ADARB1: variants seen among roughly 807,000 people sequenced by gnomAD.
ADARB1 encodes adenosine deaminase RNA specific B1.
In ADARB1, 10 loss-of-function variants were observed where a neutral mutation model predicts 52.4. That is an observed-to-expected ratio of 0.19 (90% CI 0.12 to 0.32). ADARB1 has a LOEUF of 0.32. Among genes scored for constraint, ADARB1 ranks in the 10% least tolerant of loss-of-function variants. The probability of loss-of-function intolerance (pLI) is 1.00; values close to 1 mark genes in which losing one functional copy is unlikely to be tolerated. For synonymous variants in ADARB1, 349 were observed against 371.1 expected (o/e 0.94, Z 0.68); for missense variants, 643 against 922.3 (o/e 0.70, Z 3.92).
chr21:45,134,876 C>T (rs757554274), intron 2 of ADARB1: 5 of 527,292 alleles, frequency 9.5e-6, no homozygotes, highest in Middle Eastern at 6.4e-4. Context: ...CCCAGCACCA[C>T]ACCCCTGGCT....
At chr21:45,174,790 A>G (rs2091628934) in intron 3 of ADARB1, among the ~76,000 whole-genome samples, 1 of 152,216 alleles carries the variant, frequency 6.6e-6, no homozygotes, top group South Asian at 2.1e-4. Context: ...TAATTTTACA[A>G]TTCTAAAATT....
At chr21:45,108,043 G>A (rs888516885) in intron 1 of ADARB1, among the ~76,000 whole-genome samples, 2 of 151,962 alleles carry the variant, frequency 1.3e-5, no homozygotes, top group Non-Finnish European at 2.9e-5. Context: ...GTGACAGAGC[G>A]AGACCCTGTC....
intron 1 of ADARB1, among the ~76,000 whole-genome samples, chr21:45,097,285 G>A (rs2086803961): frequency 4.6e-5 from 7 of 152,134 alleles, no homozygotes; most frequent in Non-Finnish European, 2.9e-5. Context: ...TATGAGCTTT[G>A]GGGAAGCCTG....
intron 1 of ADARB1, among the ~76,000 whole-genome samples, chr21:45,108,987 C>T (rs1274622751): frequency 6.6e-6 from 1 of 152,206 alleles, no homozygotes; most frequent in Non-Finnish European, 1.5e-5. Flanking sequence ...TGCTAGGACT[C>T]TACTTTTGGG....
chr21:45,091,810 C>A (rs1433035678), intron 1 of ADARB1, among the ~76,000 whole-genome samples: 2 of 152,152 alleles, frequency 1.3e-5, no homozygotes, highest in African/African-American at 2.4e-5. Flanking sequence ...GACTCCAGAT[C>A]GAGTTTAACC....
Position 45,142,259 on chromosome 21 carries a change from C to G in ADARB1, c.-48+13686C>G, listed in dbSNP as rs886664077. Among the ~76,000 whole-genome samples, 62 of 152,208 alleles carry G rather than the reference C, an allele frequency of 4.1e-4. No individual in the cohort carries two copies. The highest frequency in any genetic ancestry group is 1.4e-3 in the African/African-American group (58 of 41,446). ...CTTTTTGTTTTTCAAATCGAACACCCGCTATACTCATTTGAGAAGTGTAGA... is the reference window on the plus strand; with the variant it reads ...CTTTTTGTTTTTCAAATCGAACACCGGCTATACTCATTTGAGAAGTGTAGA... On this transcript the variant is annotated intron_variant, in intron 2 of 10. Transcript: ENST00000348831. The surrounding 1 kb of genome is among the most constrained non-coding windows in gnomAD (Gnocchi z 4.0).
intron 1 of ADARB1, among the ~76,000 whole-genome samples, chr21:45,123,930 T>A (rs1307351822): frequency 6.6e-6 from 1 of 152,210 alleles, no homozygotes; most frequent in Non-Finnish European, 1.5e-5. Flanking sequence ...AATACTGTCC[T>A]TTTCTTTTTA....
intron 1 of ADARB1, among the ~76,000 whole-genome samples, chr21:45,107,670 T>C (rs2087318832): frequency 1.3e-5 from 2 of 152,184 alleles, no homozygotes; most frequent in Admixed American, 1.3e-4. Context: ...ATTTATAGCT[T>C]ACACCACATG....
chr21:45,113,414 C>T (rs1353257071), intron 1 of ADARB1, among the ~76,000 whole-genome samples: 1 of 151,874 alleles, frequency 6.6e-6, no homozygotes. Flanking sequence ...CAGAGCAAGA[C>T]TCTGTCTCAA....
At chr21:45,123,738 C>T (rs1001602033) in intron 1 of ADARB1, among the ~76,000 whole-genome samples, 7 of 152,098 alleles carry the variant, frequency 4.6e-5, no homozygotes, top group African/African-American at 1.2e-4. Flanking sequence ...GCAGCTGACA[C>T]CACAGGTGCA....
chr21:45,138,526 G>A (rs1395764494), intron 2 of ADARB1, among the ~76,000 whole-genome samples: 1 of 152,194 alleles, frequency 6.6e-6, no homozygotes. Context: ...AGCAGGCCGT[G>A]GAGCTCTTGT....
chr21:45,130,100 C>T (rs1353597937), intron 2 of ADARB1, among the ~76,000 whole-genome samples: 1 of 152,028 alleles, frequency 6.6e-6, no homozygotes, highest in Non-Finnish European at 1.5e-5. Context: ...TTCTCTGTAA[C>T]CAGAGGTTAT....
rs375464520 is a variant in ADARB1 at position 45,134,421 on chromosome 21, G to A, written c.-48+5848G>A. Reference sequence around the variant, plus strand: ...GTGTGTGCCCGACAGTGGTGTGTGCGCCCGACGGGTGTGTGCGCCTGACAG... The same window carrying A: ...GTGTGTGCCCGACAGTGGTGTGTGCACCCGACGGGTGTGTGCGCCTGACAG... On this transcript the variant is annotated intron_variant, in intron 2 of 10. Transcript: ENST00000348831. Among the ~76,000 whole-genome samples the A allele has an allele frequency of 3.2e-4, 48 of 150,912 alleles. No individual in the cohort carries two copies. In the East Asian group the frequency reaches 8.9e-3, roughly 28 times the overall value.
intron 9 of ADARB1, among the ~76,000 whole-genome samples, chr21:45,210,831 A>G (rs1376448150): frequency 6.6e-6 from 1 of 152,232 alleles, no homozygotes; most frequent in African/African-American, 2.4e-5. Context: ...GAAAAGGAGG[A>G]GCTGGCAGGA....
At chr21:45,085,565 C>G (rs1396966414) in intron 1 of ADARB1, among the ~76,000 whole-genome samples, 1 of 152,144 alleles carries the variant, frequency 6.6e-6, no homozygotes, top group African/African-American at 2.4e-5. Context: ...TAGTCTTGGT[C>G]ATTTTGAATT....
intron 1 of ADARB1, among the ~76,000 whole-genome samples, chr21:45,084,481 G>A (rs928107266): frequency 6.6e-6 from 1 of 152,220 alleles, no homozygotes; most frequent in Non-Finnish European, 1.5e-5. Flanking sequence ...TGGATTCAGA[G>A]TCCAAGAGAA....
intron 8 of ADARB1, among the ~76,000 whole-genome samples, chr21:45,185,504 A>G (rs2092074098): frequency 6.6e-6 from 1 of 152,192 alleles, no homozygotes; most frequent in African/African-American, 2.4e-5. Flanking sequence ...GTGCATTTTA[A>G]AAGTAATGCA....
intron 1 of ADARB1, among the ~76,000 whole-genome samples, chr21:45,081,358 G>C (rs964904922): frequency 6.6e-6 from 1 of 152,142 alleles, no homozygotes; most frequent in South Asian, 2.1e-4. Flanking sequence ...CTTGACTGTG[G>C]TACCCATACA....
chr21:45,091,245 G>T (rs770965619), intron 1 of ADARB1, among the ~76,000 whole-genome samples: 1 of 152,078 alleles, frequency 6.6e-6, no homozygotes, highest in African/African-American at 2.4e-5. Context: ...TTTGCCCCTG[G>T]TATTATCTTA....
Sources: allele counts gnomAD v4.1 joint callset (sites outside exome capture counted in the v4.1 genomes callset), GRCh38; gene constraint gnomAD v4.1.1; non-coding constraint Gnocchi (gnomAD v3.1); transcripts MANE v1.5; gene names NCBI Gene and HGNC (gene_info 2026-07-23, HGNC 2026-07-21).